Variants in ITIH3 observed in about 807,000 individuals in gnomAD.
ITIH3 encodes the protein inter-alpha-trypsin inhibitor heavy chain 3, also known as inter-alpha-trypsin inhibitor heavy chain H3.
In ITIH3, 81 loss-of-function variants were observed where a neutral mutation model predicts 96.5. The ratio of observed to expected loss-of-function variants is 0.84; its 90% CI spans 0.70 to 1.01. The LOEUF (loss-of-function observed/expected upper bound fraction) is 1.01. Among genes scored for constraint, ITIH3 ranks in the 50% least tolerant of loss-of-function variants. The pLI, the probability that ITIH3 is intolerant of heterozygous loss-of-function variation, is 0.00. For synonymous variants in ITIH3, 422 were observed against 445.2 expected (o/e 0.95, Z 0.66); for missense variants, 1,057 against 1,139.3 (o/e 0.93, Z 1.04).
rs550395408 is a variant in ITIH3 at position 52,807,188 on chromosome 3, G to A, written c.2261+83G>A. Reference sequence around the variant, plus strand: ...CTTGAGGGATTTAGAAAAATCCCAGGACAGGAGATCCATGGGGGTCACAGG... The same window carrying A: ...CTTGAGGGATTTAGAAAAATCCCAGAACAGGAGATCCATGGGGGTCACAGG... On this transcript the variant is annotated intron_variant, in intron 19 of 21. Coordinates refer to ENST00000449956, the MANE Select transcript of ITIH3 (RefSeq NM_002217.4). The A allele has an allele frequency of 2.8e-4, 342 of 1,208,570 alleles. 2 individuals carry two copies. In the Middle Eastern group the frequency reaches 4.2e-3, roughly 15 times the overall value. 74.9% of individuals were successfully genotyped at this position (1,208,570 alleles called of 1,614,324 possible).
Position 52,802,467 on chromosome 3 carries a change from G to A in ITIH3, c.1517G>A (p.Arg506His), listed in dbSNP as rs201758291. The change falls in exon 12 of 22, where the codon CGC (arginine) becomes CAC (histidine). Residue 506 changes from arginine (R) to histidine (H), a missense_variant. Physicochemically the swap from Arg to His is conservative, Grantham distance 29. Transcript: ENST00000449956. ...YDGSEIVVAGRLVDEDMNSFK... is the reference protein window; with the variant it reads ...YDGSEIVVAGHLVDEDMNSFK... ...GGCTCTGAGATCGTGGTGGCCGGGC[G>A]CCTGGTGGACGAGGACATGAACAGC... 122 of 1,613,968 alleles carry A rather than the reference G, an allele frequency of 7.6e-5. 1 individual carries two copies. In the East Asian group the frequency reaches 2.2e-3, roughly 29 times the overall value.
intron 6 of ITIH3, chr3:52,798,627 G>T: frequency 3.4e-6 from 1 of 293,294 alleles, no homozygotes; most frequent in Non-Finnish European, 6.4e-6. Context: ...TGAGCTCCAA[G>T]GTAGCCTGGG....
At chr3:52,804,141 GC>G in intron 14 of ITIH3, 132 bp downstream of exon 14, 1 of 948,092 alleles carries the variant, frequency 1.1e-6, no homozygotes, top group Non-Finnish European at 1.6e-6. Context: ...AGGAAAACTG[GC>G]CACGGGATGG....
chr3:52,802,830 C>A, intron 13 of ITIH3, 24 bp downstream of exon 13: 1 of 1,612,962 alleles, frequency 6.2e-7, no homozygotes, highest in Non-Finnish European at 8.5e-7. Context: ...CAGCCCCCAC[C>A]TGTGCCTACC....
chr3:52,806,488 G>A, intron 18 of ITIH3, 82 bp downstream of exon 18: 2 of 1,035,722 alleles, frequency 1.9e-6, no homozygotes, highest in South Asian at 1.5e-5. Flanking sequence ...CAGGGAACAG[G>A]TTCTCACTCT....
intron 13 of ITIH3, among the ~76,000 whole-genome samples, chr3:52,803,040 T>C (rs1699896421): frequency 6.6e-6 from 1 of 152,152 alleles, no homozygotes; most frequent in South Asian, 2.1e-4. Flanking sequence ...AGGGGGGACT[T>C]CAGCACCCTG....
intron 15 of ITIH3, chr3:52,805,381 A>C: frequency 1.9e-6 from 2 of 1,034,552 alleles, no homozygotes; most frequent in Non-Finnish European, 2.3e-6. Flanking sequence ...ATGTGAGTAC[A>C]TATATGCATG....
In ITIH3 at chr3:52,806,298, G is replaced by T. The variant is rs763781752; in HGVS notation, c.1948G>T (p.Gly650Trp). 2 of 1,613,518 alleles carry T rather than the reference G, an allele frequency of 1.2e-6. No individual in the cohort carries two copies. Among genetic ancestry groups the T allele is most frequent in the Admixed American group, 3.3e-5 (2 of 59,994 alleles). The change falls in exon 18 of 22, where the codon GGG (glycine) becomes TGG (tryptophan). Residue 650 changes from glycine (G) to tryptophan (W), a missense_variant. Coordinates refer to ENST00000449956, the MANE Select transcript of ITIH3 (RefSeq NM_002217.4). ...PPQNPYYYVDGDPHFIIQIPE... is the reference protein window; with the variant it reads ...PPQNPYYYVDWDPHFIIQIPE... ...CTTCTCTAATGTGTCACCAGTGGACGGGGATCCCCACTTCATCATCCAAAT... is the reference window on the plus strand; with the variant it reads ...CTTCTCTAATGTGTCACCAGTGGACTGGGATCCCCACTTCATCATCCAAAT...
At position 52,806,305 on chromosome 3, in the gene ITIH3, C is replaced by A; in HGVS notation, c.1955C>A (p.Pro652His). Reference protein sequence around the residue: ...QNPYYYVDGDPHFIIQIPEKD... With the variant: ...QNPYYYVDGDHHFIIQIPEKD... ...AATGTGTCACCAGTGGACGGGGATC[C>A]CCACTTCATCATCCAAATTCCGGAG... Residue 652 changes from proline to histidine, a missense_variant, in exon 18 of 22, where the codon CCC (proline) becomes CAC (histidine). Transcript: ENST00000449956. The A allele has an allele frequency of 6.2e-7, 1 of 1,613,740 alleles. No individual in the cohort carries two copies.
chr3:52,808,632 G>A lies in ITIH3; in HGVS notation c.2624G>A (p.Gly875Glu), dbSNP rs748117675. Residue 875 changes from glycine (G) to glutamate (E), a missense_variant, in exon 22 of 22, where the codon GGG becomes GAG. Gly to Glu is a moderately conservative substitution (Grantham distance 98, BLOSUM62 -2). Transcript: ENST00000449956. ...VCWFVHNNGE[G>E]LIDGVHTDYI... Reference sequence around the variant, plus strand: ...TGGTTCGTCCACAACAACGGAGAAGGGCTGATTGATGGTGTCCACACTGAC... The same window carrying A: ...TGGTTCGTCCACAACAACGGAGAAGAGCTGATTGATGGTGTCCACACTGAC... 1.7e-5 allele frequency: 28 copies of A among 1,613,816 alleles called. No individual in the cohort carries two copies. Among genetic ancestry groups the A allele is most frequent in the Non-Finnish European group, 2.2e-5 (26 of 1,179,858 alleles).
intron 15 of ITIH3, 140 bp from the exon 16 acceptor site, chr3:52,805,668 C>G: frequency 6.6e-7 from 1 of 1,505,088 alleles, no homozygotes. Flanking sequence ...AAAGCCTAAT[C>G]TTTGTAGTCA....
At chr3:52,805,520 T>C in intron 15 of ITIH3, 1 of 1,236,116 alleles carries the variant, frequency 8.1e-7, no homozygotes, top group Non-Finnish European at 1.0e-6. Context: ...AGATGTTTGC[T>C]GTGAGCATTA....
chr3:52,795,632 T>C lies in ITIH3; in HGVS notation c.114+9T>C. The stretch of plus-strand genomic sequence containing the variant: ...GGAGCCTCCCGGAAGGGGTAAGAAC[T>C]TTCACCAGGGGGTGGGACCGAGTGG... On this transcript the variant is annotated intron_variant, in intron 2 of 21. Coordinates refer to ENST00000449956, the MANE Select transcript of ITIH3 (RefSeq NM_002217.4). 1 of 1,612,176 alleles carries C rather than the reference T, an allele frequency of 6.2e-7. No individual in the cohort carries two copies. Among genetic ancestry groups the C allele is most frequent in the Non-Finnish European group, 8.5e-7 (1 of 1,179,150 alleles).
chr3:52,806,088 C>T lies in ITIH3; in HGVS notation c.1907-15C>T. ...CACTTGCTTAGCTCAGCCCTCTCTCCCTTTGTATCTGCAGCCAGCTACCAG... is the reference window on the plus strand; with the variant it reads ...CACTTGCTTAGCTCAGCCCTCTCTCTCTTTGTATCTGCAGCCAGCTACCAG... On this transcript the variant is annotated splice_polypyrimidine_tract_variant and intron_variant, in intron 16 of 21. Coordinates refer to ENST00000449956, the MANE Select transcript of ITIH3 (RefSeq NM_002217.4). 6.3e-7 allele frequency: 1 copy of T among 1,595,786 alleles called. No individual in the cohort carries two copies. Among genetic ancestry groups the T allele is most frequent in the Non-Finnish European group, 8.5e-7 (1 of 1,170,974 alleles).
In ITIH3 at chr3:52,799,378, A is replaced by G; in HGVS notation, c.796A>G (p.Asn266Asp). The change falls in exon 8 of 22, where the codon AAT (asparagine) becomes GAT (aspartate). Residue 266 changes from asparagine to aspartate, a missense_variant. Physicochemically the swap from Asn to Asp is conservative, Grantham distance 23. Transcript: ENST00000449956. ...CCCTCTCCCCACTTTCCAGATAGTC[A>G]ATGGCTACTTCGTGCACTTCTTTGC... ...RESPGNVQIVNGYFVHFFAPQ... is the reference protein window; with the variant it reads ...RESPGNVQIVDGYFVHFFAPQ... The G allele has an allele frequency of 6.3e-7, 1 of 1,594,432 alleles. No individual in the cohort carries two copies. The highest frequency in any genetic ancestry group is 8.5e-7 in the Non-Finnish European group (1 of 1,170,644).
chr3:52,799,970 G>A, intron 9 of ITIH3, 49 bp downstream of exon 9: 1 of 1,569,698 alleles, frequency 6.4e-7, no homozygotes, highest in Non-Finnish European at 8.7e-7. Context: ...GCCTCCCTCT[G>A]TCCCTGAGCA....
chr3:52,802,515 A>G lies in ITIH3; in HGVS notation c.1565A>G (p.His522Arg), dbSNP rs761888667. Residue 522 changes from histidine to arginine, a missense_variant, in exon 12 of 22, where the codon CAT (histidine) becomes CGT (arginine). Coordinates refer to ENST00000449956, the MANE Select transcript of ITIH3 (RefSeq NM_002217.4). ...AGCTTTAAGGCAGATGTGAAGGGCC[A>G]TGGGGTGAGTGGGGACAGGGCCTGG... ...MNSFKADVKG[H>R]GATNDLTFTE... 1.2e-6 allele frequency: 2 copies of G among 1,613,820 alleles called. No individual in the cohort carries two copies. Among genetic ancestry groups the G allele is most frequent in the East Asian group, 4.5e-5 (2 of 44,884 alleles).
intron 1 of ITIH3, 43 bp from the exon 2 acceptor site, chr3:52,795,560 C>T (rs895572004): frequency 4.4e-6 from 7 of 1,595,756 alleles, no homozygotes; most frequent in Non-Finnish European, 6.0e-6. Flanking sequence ...TGGTGTTGGC[C>T]TTGGCCTGAT....
At chr3:52,800,742 A>G in intron 10 of ITIH3, 79 bp downstream of exon 10, 1 of 1,549,404 alleles carries the variant, frequency 6.5e-7, no homozygotes, top group Non-Finnish European at 8.7e-7. Context: ...GGCTCATTGG[A>G]AAACCTGGGG....
Sources: gnomAD v4.1 joint callset for allele counts (sites outside exome capture counted in the v4.1 genomes callset) on GRCh38, gnomAD v4.1.1 for gene constraint, MANE v1.5 for transcripts, NCBI Gene and HGNC (gene_info 2026-07-23, HGNC 2026-07-21) for gene names.